CHST9: variants seen among roughly 807,000 people sequenced by gnomAD.
CHST9 encodes the protein GalNAc-4-sulfotransferase 2.
Under a neutral mutation model 44.4 loss-of-function variants are expected in CHST9, and 41 were observed. The observed-to-expected ratio is 0.92, with a 90% CI of 0.72 to 1.20. CHST9 has a LOEUF of 1.20. Among genes scored for constraint, CHST9 ranks in the 50% most tolerant of loss-of-function variants. The pLI is 0.00. For synonymous variants in CHST9, 171 were observed against 178.4 expected (o/e 0.96, Z 0.33); for missense variants, 504 against 516.5 (o/e 0.98, Z 0.23).
intron 2 of CHST9, among the ~76,000 whole-genome samples, chr18:27,067,138 G>A (rs2057790078): frequency 6.6e-6 from 1 of 151,984 alleles, no homozygotes; most frequent in Non-Finnish European, 1.5e-5. Context: ...TTCATAGTTA[G>A]ACCAAAGTTT....
At chr18:27,162,803 C>T (rs1030076854) in intron 1 of CHST9, among the ~76,000 whole-genome samples, 3 of 152,202 alleles carry the variant, frequency 2.0e-5, no homozygotes, top group African/African-American at 4.8e-5. Context: ...AAGCCTTCTT[C>T]TCTCAAGTCG....
intron 3 of CHST9, among the ~76,000 whole-genome samples, chr18:27,032,224 G>T (rs1357627097): frequency 6.6e-6 from 1 of 152,046 alleles, no homozygotes; most frequent in Non-Finnish European, 1.5e-5. Context: ...CCTGTGACTG[G>T]CACACAGAAA....
chr18:27,097,245 A>G (rs2058126108), intron 2 of CHST9, among the ~76,000 whole-genome samples: 1 of 152,020 alleles, frequency 6.6e-6, no homozygotes, highest in Non-Finnish European at 1.5e-5. Context: ...AGGAGCATAT[A>G]TCAAAAAAAT....
chr18:27,168,321 G>A (rs187300155), intron 1 of CHST9, among the ~76,000 whole-genome samples: 125 of 152,116 alleles, frequency 8.2e-4, no homozygotes, highest in Non-Finnish European at 4.3e-4. Context: ...TGATCCGCCC[G>A]CCTCAGCCTC....
At chr18:27,022,700 TC>T (rs1238802719) in intron 4 of CHST9, among the ~76,000 whole-genome samples, 1 of 152,172 alleles carries the variant, frequency 6.6e-6, no homozygotes, top group Non-Finnish European at 1.5e-5. Context: ...TTGCAGAAAT[TC>T]CATTCATTCT....
At chr18:27,089,300 C>T (rs140821270) in intron 2 of CHST9, among the ~76,000 whole-genome samples, 1,994 of 142,624 alleles carry the variant, frequency 0.014, 35 homozygotes, top group African/African-American at 0.05. Context: ...CCCCACCCCC[C>T]GACATGCCCT....
At chr18:27,158,764 C>T (rs1567943047) in intron 1 of CHST9, among the ~76,000 whole-genome samples, 1 of 147,034 alleles carries the variant, frequency 6.8e-6, no homozygotes, top group East Asian at 2.0e-4. Flanking sequence ...TCTCCAGCAC[C>T]TGTTGTTTCC....
intron 4 of CHST9, among the ~76,000 whole-genome samples, chr18:27,021,940 C>G (rs1335739168): frequency 6.6e-6 from 1 of 151,994 alleles, no homozygotes; most frequent in African/African-American, 2.4e-5. Context: ...CTACTTTAGC[C>G]TCCTGAGTAG....
intron 2 of CHST9, among the ~76,000 whole-genome samples, chr18:27,062,752 G>T (rs1467038739): frequency 1.3e-5 from 2 of 152,168 alleles, no homozygotes; most frequent in East Asian, 3.9e-4. Flanking sequence ...TTCCACAATG[G>T]TTGAACTAGT....
chr18:27,052,145 G>C (rs978463101), intron 2 of CHST9, among the ~76,000 whole-genome samples: 20 of 151,916 alleles, frequency 1.3e-4, no homozygotes, highest in African/African-American at 4.8e-4. Flanking sequence ...AAATTGTAGA[G>C]TGCTATATAA....
intron 1 of CHST9, among the ~76,000 whole-genome samples, chr18:27,176,096 A>C (rs2058866219): frequency 6.6e-6 from 1 of 152,014 alleles, no homozygotes; most frequent in Admixed American, 6.6e-5. Context: ...AGCTTGAAGA[A>C]AGCCAGGCAG....
In CHST9 at chr18:27,008,520, C is replaced by A. The variant is rs546091220; in HGVS notation, c.202+15596G>T. 1.3e-4 allele frequency among the ~76,000 whole-genome samples: 20 copies of A among 152,260 alleles called. 1 individual carries two copies. The highest frequency in any genetic ancestry group is 2.9e-4 in the Non-Finnish European group (20 of 68,006). ...AAAACCAATCAATTTAAATGTAGTT[C>A]TTTCTCTAGTTTGTAGTTCTCCACC... is the stretch of plus-strand genomic sequence containing the variant. On this transcript the variant is annotated intron_variant, in intron 4 of 5. Coordinates refer to ENST00000618847, the MANE Select transcript of CHST9 (RefSeq NM_031422.6).
chr18:27,014,453 C>CAAAAAAAAAAA lies in CHST9; in HGVS notation c.202+9652_202+9662dup, dbSNP rs57437876. Among the ~76,000 whole-genome samples the CAAAAAAAAAAA allele has an allele frequency of 4.8e-4, 19 of 39,440 alleles. 2 individuals are homozygous for CAAAAAAAAAAA. Among genetic ancestry groups the CAAAAAAAAAAA allele is most frequent in the South Asian group, 2.0e-3 (1 of 492 alleles). 25.9% of individuals were successfully genotyped at this position (39,440 alleles called of 152,430 possible). ...TGGGCGACAGAGCGAGACTCTGTCT[C>CAAAAAAAAAAA]AAAAAAAAAAAAAAAAAAAAAAAAA... is the stretch of plus-strand genomic sequence containing the variant. On this transcript the variant is annotated intron_variant, in intron 4 of 5. Coordinates refer to ENST00000618847, the MANE Select transcript of CHST9 (RefSeq NM_031422.6).
chr18:27,128,471 T>C (rs1170250320), intron 2 of CHST9, among the ~76,000 whole-genome samples: 2 of 152,094 alleles, frequency 1.3e-5, no homozygotes, highest in Non-Finnish European at 2.9e-5. Flanking sequence ...GGTTTCACCA[T>C]ATTGGCCAGG....
At chr18:27,019,163 T>A (rs1200425731) in intron 4 of CHST9, among the ~76,000 whole-genome samples, 3 of 152,144 alleles carry the variant, frequency 2.0e-5, no homozygotes, top group Non-Finnish European at 2.9e-5. Context: ...AGGTAAACAA[T>A]AGTCCATTTC....
At chr18:27,100,485 A>G (rs1156694607) in intron 2 of CHST9, among the ~76,000 whole-genome samples, 2 of 152,204 alleles carry the variant, frequency 1.3e-5, no homozygotes, top group African/African-American at 4.8e-5. Context: ...ACACACACCT[A>G]TGGAAGGAAG....
intron 5 of CHST9, chr18:26,935,968 T>G (rs180726567): frequency 6.6e-6 from 1 of 152,348 alleles, no homozygotes; most frequent in East Asian, 1.9e-4. Flanking sequence ...CTAGTGACTT[T>G]CTATCTCTAG....
chr18:27,181,505 T>C (rs2058912214), intron 1 of CHST9, among the ~76,000 whole-genome samples: 1 of 152,204 alleles, frequency 6.6e-6, no homozygotes, highest in Non-Finnish European at 1.5e-5. Flanking sequence ...TTAGATGGCT[T>C]CTTGCTATTC....
intron 2 of CHST9, among the ~76,000 whole-genome samples, chr18:27,114,918 C>T (rs1173794917): frequency 6.6e-6 from 1 of 152,056 alleles, no homozygotes; most frequent in Admixed American, 6.5e-5. Context: ...AACTGTAATC[C>T]CCATAATCCC....
Sources: gnomAD v4.1 joint callset for allele counts (sites outside exome capture counted in the v4.1 genomes callset) on GRCh38, gnomAD v4.1.1 for gene constraint, MANE v1.5 for transcripts, NCBI Gene and HGNC (gene_info 2026-07-23, HGNC 2026-07-21) for gene names.